Variants in EBF3 observed in about 807,000 individuals in gnomAD.
The protein encoded by EBF3 is transcription factor COE3.
In EBF3, 18 loss-of-function variants were observed where a neutral mutation model predicts 77.1. That is an observed-to-expected ratio of 0.23 (90% CI 0.16 to 0.35). The LOEUF (loss-of-function observed/expected upper bound fraction) is 0.35. Ranked by LOEUF, EBF3 falls within the 10% of genes least tolerant of loss-of-function variation. The probability of loss-of-function intolerance (pLI) is 1.00; values close to 1 mark genes in which losing one functional copy is unlikely to be tolerated. For synonymous variants in EBF3, 350 were observed against 343.5 expected (o/e 1.02, Z -0.21); for missense variants, 558 against 860.0 (o/e 0.65, Z 4.39).
At chr10:129,887,050 TG>T (rs1853639587) in intron 6 of EBF3, among the ~76,000 whole-genome samples, 2 of 3,614 alleles carry the variant, frequency 5.5e-4, no homozygotes, top group East Asian at 0.019. Context: ...GTGGGGGTTG[TG>T]GGCGGGGGGG....
rs1853050409 is a variant in EBF3 at position 129,879,583 on chromosome 10, T to C, written c.555-1734A>G. On this transcript the variant is annotated intron_variant, in intron 6 of 16. Transcript: ENST00000440978. The surrounding 1 kb of genome is among the most constrained non-coding windows in gnomAD (Gnocchi z 4.7). ...CTTAATTAAATTTTCCTGCATACCA[T>C]GAGGCCTCACCATTTTAGGCCAGAA... is the stretch of plus-strand genomic sequence containing the variant. 6.6e-6 allele frequency among the ~76,000 whole-genome samples: 1 copy of C among 151,852 alleles called. No homozygotes were observed. Among genetic ancestry groups the C allele is most frequent in the Non-Finnish European group, 1.5e-5 (1 of 67,932 alleles).
intron 4 of EBF3, 79 bp downstream of exon 4, chr10:129,962,092 G>T: frequency 7.4e-7 from 1 of 1,352,322 alleles, no homozygotes; most frequent in Non-Finnish European, 1.1e-6. Flanking sequence ...AGATCCATTT[G>T]TCAGTGCCCT....
intron 6 of EBF3, among the ~76,000 whole-genome samples, chr10:129,886,574 G>A (rs772969990): frequency 5.3e-5 from 8 of 152,164 alleles, no homozygotes; most frequent in Admixed American, 1.3e-4. Flanking sequence ...ACCCTGCTCG[G>A]CTCCCCACGC....
intron 6 of EBF3, among the ~76,000 whole-genome samples, chr10:129,949,511 A>G (rs925491675): frequency 6.6e-6 from 1 of 152,160 alleles, no homozygotes; most frequent in Non-Finnish European, 1.5e-5. Flanking sequence ...TCGTGGGGGA[A>G]CGTGACCTTT....
rs1013511933 is a variant in EBF3, at chr10:129,885,912, C to A, written c.555-8063G>T. ...GGTTTCAAGCCTCTCCCACCATACG[C>A]GTGTGTGTTTTTAGGGATCTGAAGA... On this transcript the variant is annotated intron_variant, in intron 6 of 16. Transcript: ENST00000440978. The surrounding 1 kb of genome is among the most constrained non-coding windows in gnomAD (Gnocchi z 4.0). Among the ~76,000 whole-genome samples the A allele has an allele frequency of 6.6e-6, 1 of 152,122 alleles. No individual in the cohort carries two copies. The highest frequency in any genetic ancestry group is 1.9e-4 in the East Asian group (1 of 5,198).
At chr10:129,846,041 T>C (rs914108689) in intron 11 of EBF3, 1 of 151,698 alleles carries the variant, frequency 6.6e-6, no homozygotes, top group African/African-American at 2.4e-5. Flanking sequence ...AGAGACGTCT[T>C]CCCTTCCAAT....
intron 6 of EBF3, among the ~76,000 whole-genome samples, chr10:129,893,720 C>T (rs2134207436): frequency 6.6e-6 from 1 of 152,304 alleles, no homozygotes; most frequent in South Asian, 2.1e-4. Context: ...GAAACCCGGA[C>T]CACCTTCTCC....
Position 129,870,555 on chromosome 10 carries a change from C to G in EBF3, c.782-2643G>C, listed in dbSNP as rs1056990542. On this transcript the variant is annotated intron_variant, in intron 8 of 16. Coordinates refer to ENST00000440978, the MANE Select transcript of EBF3 (RefSeq NM_001375380.1). The surrounding 1 kb of genome is among the most constrained non-coding windows in gnomAD (Gnocchi z 4.4). ...GGCGTGGCGAGTCTCCCCTGCGGAT[C>G]TGACATGCGCCACCATGACCTGTTT... Among the ~76,000 whole-genome samples, 4 of 152,166 alleles carry G rather than the reference C, an allele frequency of 2.6e-5. No homozygotes were observed. Among genetic ancestry groups the G allele is most frequent in the Admixed American group, 2.6e-4 (4 of 15,288 alleles).
chr10:129,945,913 G>C (rs1858178681), intron 6 of EBF3, among the ~76,000 whole-genome samples: 1 of 151,910 alleles, frequency 6.6e-6, no homozygotes, highest in Non-Finnish European at 1.5e-5. Flanking sequence ...TTGTTTCTCT[G>C]TGGAGTGCTT....
At chr10:129,902,312 G>A (rs779125210) in intron 6 of EBF3, among the ~76,000 whole-genome samples, 8 of 150,948 alleles carry the variant, frequency 5.3e-5, no homozygotes, top group South Asian at 2.1e-4. Flanking sequence ...CTAACTCCAC[G>A]GCAAGGAAAC....
At chr10:129,905,827 T>C (rs1174376203) in intron 6 of EBF3, among the ~76,000 whole-genome samples, 2 of 152,206 alleles carry the variant, frequency 1.3e-5, no homozygotes, top group African/African-American at 4.8e-5. Context: ...CCCTCGTGGG[T>C]TGGGCCCCCG....
Position 129,963,571 on chromosome 10 carries a change from C to A in EBF3, c.135-48G>T, listed in dbSNP as rs752520551. 31 of 1,287,928 alleles carry A rather than the reference C, an allele frequency of 2.4e-5. No homozygotes were observed. The highest frequency in any genetic ancestry group is 3.0e-4 in the Middle Eastern group (1 of 3,366). The allele number at this position is 1,287,928 out of a possible 1,614,324, so 79.8% of individuals were successfully genotyped here. On this transcript the variant is annotated intron_variant, in intron 1 of 16. Transcript: ENST00000440978. This position sits in a 1 kb window ranked among gnomAD's most constrained non-coding sequence, Gnocchi z 7.1. ...GCCCGGTGAGGAGCGCGGCGCCGGC[C>A]GGCGGAGGGGGCCGGGCCGGGCCGG... is the stretch of plus-strand genomic sequence containing the variant.
rs1852336834 is a variant in EBF3 at position 129,870,587 on chromosome 10, C to CTGA, written c.782-2678_782-2676dup. Among the ~76,000 whole-genome samples, 1 of 152,146 alleles carries CTGA rather than the reference C, an allele frequency of 6.6e-6. No individual in the cohort carries two copies. The highest frequency in any genetic ancestry group is 2.4e-5 in the African/African-American group (1 of 41,428). ...GCGCCACCATGACCTGTTTTTAACTCTGAGGATCCTCTCAGCTACTTGGGA... is the reference window on the plus strand; with the variant it reads ...GCGCCACCATGACCTGTTTTTAACTCTGATGAGGATCCTCTCAGCTACTTGGGA... On this transcript the variant is annotated intron_variant, in intron 8 of 16. Transcript: ENST00000440978. The surrounding 1 kb of genome is among the most constrained non-coding windows in gnomAD (Gnocchi z 4.4).
At chr10:129,899,064 C>G (rs1158645320) in intron 6 of EBF3, among the ~76,000 whole-genome samples, 1 of 152,260 alleles carries the variant, frequency 6.6e-6, no homozygotes, top group Non-Finnish European at 1.5e-5. Flanking sequence ...GCATCTGTCA[C>G]TGTCTCCTCC....
chr10:129,896,662 C>T (rs1564867454), intron 6 of EBF3, among the ~76,000 whole-genome samples: 2 of 152,222 alleles, frequency 1.3e-5, no homozygotes. Flanking sequence ...GCTCCGCTGA[C>T]CTCGCCGGTG....
chr10:129,938,236 G>GT lies in EBF3; in HGVS notation c.554+19021dup, dbSNP rs983265694. 2.0e-5 allele frequency among the ~76,000 whole-genome samples: 3 copies of GT among 151,976 alleles called. No homozygotes were observed. Among genetic ancestry groups the GT allele is most frequent in the Admixed American group, 6.6e-5 (1 of 15,242 alleles). On this transcript the variant is annotated intron_variant, in intron 6 of 16. Coordinates refer to ENST00000440978, the MANE Select transcript of EBF3 (RefSeq NM_001375380.1). This position sits in a 1 kb window ranked among gnomAD's most constrained non-coding sequence, Gnocchi z 5.1. The stretch of plus-strand genomic sequence containing the variant: ...TCTGTTCTAGAACGGAAATTAGTGG[G>GT]TTTTTTTAAAGTTCATGGCGGGGCC...
intron 16 of EBF3, among the ~76,000 whole-genome samples, chr10:129,838,204 AAAGGCTTCTTTT>A (rs1849742934): frequency 2.0e-5 from 3 of 147,868 alleles, no homozygotes; most frequent in South Asian, 4.1e-4. Flanking sequence ...AGGCTTCTTT[AAAGGCTTCTTTT>A]GGAAAAGGGA....
intron 16 of EBF3, 44 bp downstream of exon 16, chr10:129,839,039 C>T (rs552385359): frequency 6.8e-5 from 89 of 1,302,876 alleles, no homozygotes; most frequent in Middle Eastern, 2.1e-4. Context: ...TCCCTTCATA[C>T]GCTAACGGAT....
rs953038486 is a variant in EBF3 at position 129,943,294 on chromosome 10, T to C, written c.554+13964A>G. Among the ~76,000 whole-genome samples the C allele has an allele frequency of 1.3e-5, 2 of 152,224 alleles. No homozygotes were observed. Among genetic ancestry groups the C allele is most frequent in the African/African-American group, 4.8e-5 (2 of 41,456 alleles). On this transcript the variant is annotated intron_variant, in intron 6 of 16. Coordinates refer to ENST00000440978, the MANE Select transcript of EBF3 (RefSeq NM_001375380.1). The surrounding 1 kb of genome is among the most constrained non-coding windows in gnomAD (Gnocchi z 8.8). ...ACAGGAGACAGCCTTGTAGAACTGA[T>C]TCCTTAATCAACAGTTAAAGAAGCA... is the stretch of plus-strand genomic sequence containing the variant.
Sources: allele counts gnomAD v4.1 joint callset (sites outside exome capture counted in the v4.1 genomes callset), GRCh38; gene constraint gnomAD v4.1.1; non-coding constraint Gnocchi (gnomAD v3.1); transcripts MANE v1.5; gene names NCBI Gene and HGNC (gene_info 2026-07-23, HGNC 2026-07-21).